Variants in FHOD3 observed in about 807,000 individuals in gnomAD.
FHOD3 encodes the protein formin homology 2 domain containing 3, also known as FH1/FH2 domain-containing protein 3.
Under a neutral mutation model 173.0 loss-of-function variants are expected in FHOD3, and 90 were observed. The ratio of observed to expected loss-of-function variants is 0.52; its 90% CI spans 0.44 to 0.62. The LOEUF (loss-of-function observed/expected upper bound fraction) is 0.62, where lower values mean the gene tolerates loss of function less well. Ranked by LOEUF, FHOD3 falls within the 20% of genes least tolerant of loss-of-function variation. The pLI, the probability that FHOD3 is intolerant of heterozygous loss-of-function variation, is 0.00. For missense variants in FHOD3, 1,945 were observed against 2,034.7 expected, an observed-to-expected ratio of 0.96 and a Z score of 0.85; for synonymous variants, 828 against 823.0, an observed-to-expected ratio of 1.01 and a Z score of -0.10.
chr18:36,501,719 C>T (rs774896132), intron 3 of FHOD3, among the ~76,000 whole-genome samples: 5 of 151,464 alleles, frequency 3.3e-5, no homozygotes, highest in Non-Finnish European at 5.9e-5. Context: ...AAATCTGTCC[C>T]ATCTACACAT....
At chr18:36,557,501 A>G (rs910995935) in intron 5 of FHOD3, among the ~76,000 whole-genome samples, 7 of 152,104 alleles carry the variant, frequency 4.6e-5, no homozygotes, top group African/African-American at 1.7e-4. Context: ...CGGTGTCTTT[A>G]CTATCTTTCA....
At chr18:36,378,009 G>A (rs72886017) in intron 3 of FHOD3, among the ~76,000 whole-genome samples, 14,695 of 152,234 alleles carry the variant, frequency 0.097, 766 homozygotes, top group East Asian at 0.19. Flanking sequence ...TGGTGGCTAA[G>A]CTCACAGTGT....
intron 5 of FHOD3, among the ~76,000 whole-genome samples, chr18:36,575,587 A>T (rs1568446844): frequency 6.6e-6 from 1 of 152,218 alleles, no homozygotes; most frequent in East Asian, 1.9e-4. Flanking sequence ...TGTTACCAGC[A>T]TAAAAAATGT....
chr18:36,461,574 C>A (rs1162936171), intron 3 of FHOD3, among the ~76,000 whole-genome samples: 1 of 151,940 alleles, frequency 6.6e-6, no homozygotes, highest in Non-Finnish European at 1.5e-5. Context: ...TTGAGGACTT[C>A]AAGAATCTCA....
At chr18:36,471,674 A>G (rs2053292756) in intron 3 of FHOD3, among the ~76,000 whole-genome samples, 1 of 152,254 alleles carries the variant, frequency 6.6e-6, no homozygotes, top group African/African-American at 2.4e-5. Context: ...GGGCAAAGAC[A>G]GTAAAAGAGA....
At chr18:36,428,159 G>A (rs953099517) in intron 3 of FHOD3, among the ~76,000 whole-genome samples, 3 of 151,974 alleles carry the variant, frequency 2.0e-5, no homozygotes, top group South Asian at 4.2e-4. Flanking sequence ...TCTGTAGCTC[G>A]CCTCTAAGGC....
chr18:36,477,725 A>G (rs1448786180), intron 3 of FHOD3, among the ~76,000 whole-genome samples: 2 of 152,162 alleles, frequency 1.3e-5, no homozygotes, highest in African/African-American at 4.8e-5. Context: ...TAAAAGTACA[A>G]GTCTTAAATC....
At chr18:36,470,724 C>A (rs1361992857) in intron 3 of FHOD3, among the ~76,000 whole-genome samples, 6 of 152,160 alleles carry the variant, frequency 3.9e-5, no homozygotes, top group Admixed American at 6.6e-5. Context: ...AAAAAGCAGA[C>A]AAATTTAGTT....
chr18:36,777,750 C>T (rs1042072659), intron 28 of FHOD3: 1 of 152,124 alleles, frequency 6.6e-6, no homozygotes, highest in African/African-American at 2.4e-5. Flanking sequence ...AACATTTTGT[C>T]TTGTTGAGCC....
At chr18:36,648,568 A>T (rs1410130067) in intron 10 of FHOD3, among the ~76,000 whole-genome samples, 1 of 152,166 alleles carries the variant, frequency 6.6e-6, no homozygotes, top group Non-Finnish European at 1.5e-5. Flanking sequence ...CAGGCATTAA[A>T]ATGGTCGGGG....
chr18:36,726,669 C>CT (rs749708394), intron 19 of FHOD3, among the ~76,000 whole-genome samples: 40 of 152,036 alleles, frequency 2.6e-4, no homozygotes, highest in Non-Finnish European at 4.1e-4. Flanking sequence ...AAAAGTGCCT[C>CT]TTTTTTTTCT....
intron 17 of FHOD3, among the ~76,000 whole-genome samples, chr18:36,700,533 T>C (rs2039522784): frequency 6.6e-6 from 1 of 152,226 alleles, no homozygotes; most frequent in Non-Finnish European, 1.5e-5. Context: ...TGTGTTGTTT[T>C]CTCTCAAATC....
chr18:36,389,418 C>G (rs1429172138), intron 3 of FHOD3, among the ~76,000 whole-genome samples: 1 of 152,172 alleles, frequency 6.6e-6, no homozygotes, highest in Non-Finnish European at 1.5e-5. Context: ...CTTCTGCAAA[C>G]AGTGTCACCT....
intron 3 of FHOD3, among the ~76,000 whole-genome samples, chr18:36,458,241 G>A (rs72891764): frequency 0.031 from 4,739 of 152,274 alleles, 102 homozygotes; most frequent in Non-Finnish European, 0.052. Context: ...AGGAAGGAAG[G>A]AAGAGGGACG....
chr18:36,367,330 C>A (rs1424981145), intron 2 of FHOD3, among the ~76,000 whole-genome samples: 1 of 152,180 alleles, frequency 6.6e-6, no homozygotes, highest in Non-Finnish European at 1.5e-5. Context: ...TGGTTGTGAG[C>A]AGCCCATTGG....
At chr18:36,435,444 A>G (rs2050763615) in intron 3 of FHOD3, among the ~76,000 whole-genome samples, 1 of 152,160 alleles carries the variant, frequency 6.6e-6, no homozygotes, top group South Asian at 2.1e-4. Context: ...TCACTATTTC[A>G]TATATCAGCA....
intron 23 of FHOD3, among the ~76,000 whole-genome samples, chr18:36,746,242 C>T (rs1445120763): frequency 6.6e-6 from 1 of 152,162 alleles, no homozygotes; most frequent in Non-Finnish European, 1.5e-5. Context: ...TGCTGGCAAC[C>T]CTCACCCACA....
At chr18:36,299,736 A>G (rs915794803) in intron 1 of FHOD3, among the ~76,000 whole-genome samples, 10 of 152,134 alleles carry the variant, frequency 6.6e-5, no homozygotes, top group Non-Finnish European at 1.5e-4. Flanking sequence ...AGAACTTTCT[A>G]AGGTGTCCCT....
At chr18:36,412,584 G>C (rs1161140758) in intron 3 of FHOD3, among the ~76,000 whole-genome samples, 3 of 152,220 alleles carry the variant, frequency 2.0e-5, no homozygotes. Context: ...TGATTCTGGA[G>C]AAGAGTTGCC....
Sources: allele counts gnomAD v4.1 joint callset (sites outside exome capture counted in the v4.1 genomes callset), GRCh38; gene constraint gnomAD v4.1.1; transcripts MANE v1.5; gene names NCBI Gene and HGNC (gene_info 2026-07-23, HGNC 2026-07-21).